DPP6: variants seen among roughly 807,000 people sequenced by gnomAD.
DPP6 encodes A-type potassium channel modulatory protein DPP6.
DPP6 carries 69 observed loss-of-function variants against 122.6 expected under a neutral mutation model. The observed-to-expected ratio is 0.56, with a 90% CI of 0.46 to 0.69. The LOEUF is 0.69. Among genes scored for constraint, DPP6 ranks in the 30% least tolerant of loss-of-function variants. The pLI is 0.00. For missense variants in DPP6, 928 were observed against 1,116.9 expected (o/e 0.83, Z 2.41); for synonymous variants, 418 against 433.1 (o/e 0.97, Z 0.43).
At chr7:154,563,561 C>G (rs777543362) in intron 4 of DPP6, among the ~76,000 whole-genome samples, 15 of 152,136 alleles carry the variant, frequency 9.9e-5, no homozygotes, top group Admixed American at 2.0e-4. Context: ...AGAAATGGTT[C>G]CAAACCTATT....
intron 7 of DPP6, among the ~76,000 whole-genome samples, chr7:154,725,884 T>C (rs946809917): frequency 6.6e-6 from 1 of 152,136 alleles, no homozygotes; most frequent in African/African-American, 2.4e-5. Context: ...ATTGGGTAAA[T>C]ACTCCCATTC....
chr7:154,270,492 C>T (rs906074575), intron 1 of DPP6, among the ~76,000 whole-genome samples: 2 of 149,812 alleles, frequency 1.3e-5, no homozygotes, highest in Admixed American at 1.3e-4. Flanking sequence ...CCATGGGCTC[C>T]AGCTCACCAA....
At chr7:154,488,481 T>C (rs1823991141) in intron 3 of DPP6, among the ~76,000 whole-genome samples, 1 of 151,820 alleles carries the variant, frequency 6.6e-6, no homozygotes, top group African/African-American at 2.4e-5. Flanking sequence ...GACACACCCT[T>C]GTAATAAGAA....
At chr7:154,562,432 TAGAC>T (rs1165811171) in intron 4 of DPP6, among the ~76,000 whole-genome samples, 8 of 152,108 alleles carry the variant, frequency 5.3e-5, no homozygotes, top group African/African-American at 9.6e-5. Flanking sequence ...AAACTAGAAA[TAGAC>T]AGGAATATCT....
chr7:153,749,394 C>G, the DPP6 span, among the ~76,000 whole-genome samples: 1 of 152,112 alleles, frequency 6.6e-6, no homozygotes, highest in Non-Finnish European at 1.5e-5. The surrounding 1 kb of genome is among the most constrained non-coding windows in gnomAD (Gnocchi z 4.1). Context: ...ATCAGACCCC[C>G]CTGGGCCAGA....
At position 154,066,750 on chromosome 7, in the gene DPP6, C is replaced by T. The variant is rs150998934; in HGVS notation, c.243+13687C>T. On this transcript the variant is annotated intron_variant, in intron 1 of 25. Transcript: ENST00000377770. ...ATTTTATTCATTCATCTATGACAAA[C>T]TTTTACTCGATACCAACCATGGCCT... is the stretch of plus-strand genomic sequence containing the variant. Among the ~76,000 whole-genome samples, 440 of 152,136 alleles carry T rather than the reference C, an allele frequency of 2.9e-3. 5 individuals are homozygous for T. The highest frequency in any genetic ancestry group is 0.022 in the East Asian group (115 of 5,156).
chr7:154,628,600 T>C (rs1213016245), intron 5 of DPP6, among the ~76,000 whole-genome samples: 1 of 152,214 alleles, frequency 6.6e-6, no homozygotes, highest in Non-Finnish European at 1.5e-5. Flanking sequence ...AAAGACCTTA[T>C]GAGCTGGGTA....
chr7:154,868,161 T>C (rs1804054852), intron 18 of DPP6, 68 bp downstream of exon 18: 1 of 1,531,768 alleles, frequency 6.5e-7, no homozygotes, highest in African/African-American at 1.4e-5. Context: ...CACAGTGCAG[T>C]CATCAGCAGC....
At chr7:153,932,832 G>T (rs1161100488) in intron 1 of DPP6, among the ~76,000 whole-genome samples, 1 of 152,126 alleles carries the variant, frequency 6.6e-6, no homozygotes, top group Non-Finnish European at 1.5e-5. Flanking sequence ...TAGTTTGGCT[G>T]TGTCCCCACC....
chr7:153,858,475 C>G, the DPP6 span, among the ~76,000 whole-genome samples: 6 of 152,268 alleles, frequency 3.9e-5, no homozygotes, highest in African/African-American at 1.4e-4. Flanking sequence ...TTTCCTCCTT[C>G]CTGTGTCTTC....
At chr7:154,874,612 C>T (rs563655576) in intron 19 of DPP6, among the ~76,000 whole-genome samples, 7 of 152,218 alleles carry the variant, frequency 4.6e-5, no homozygotes, top group Non-Finnish European at 8.8e-5. Flanking sequence ...CACTCGAGCG[C>T]GCCGCTCCTG....
At chr7:153,960,780 A>G (rs1255979640) in intron 1 of DPP6, among the ~76,000 whole-genome samples, 3 of 148,924 alleles carry the variant, frequency 2.0e-5, no homozygotes, top group East Asian at 2.1e-4. Context: ...TGTGGGGACA[A>G]TGAGTTGATT....
chr7:154,593,476 G>A (rs1051812450), intron 5 of DPP6, among the ~76,000 whole-genome samples: 1 of 152,158 alleles, frequency 6.6e-6, no homozygotes, highest in African/African-American at 2.4e-5. Context: ...ATTATGAATT[G>A]GCCTCACTTG....
At chr7:154,834,684 C>A (rs1325410047) in intron 16 of DPP6, among the ~76,000 whole-genome samples, 1 of 152,218 alleles carries the variant, frequency 6.6e-6, no homozygotes, top group Non-Finnish European at 1.5e-5. Flanking sequence ...AAGTGCAAGA[C>A]CTTCACTAGA....
chr7:154,184,917 C>T (rs1798279076), intron 1 of DPP6, among the ~76,000 whole-genome samples: 1 of 152,108 alleles, frequency 6.6e-6, no homozygotes, highest in African/African-American at 2.4e-5. Flanking sequence ...AGCCACGGTG[C>T]GATGGTTAGC....
intron 3 of DPP6, among the ~76,000 whole-genome samples, chr7:154,539,913 G>A (rs995117387): frequency 6.6e-6 from 1 of 151,946 alleles, no homozygotes; most frequent in Non-Finnish European, 1.5e-5. Context: ...TCATTCATAG[G>A]AGATATATAT....
chr7:154,240,356 T>C (rs1023899193), intron 1 of DPP6, among the ~76,000 whole-genome samples: 10 of 152,164 alleles, frequency 6.6e-5, no homozygotes, highest in Admixed American at 4.6e-4. Flanking sequence ...ATCTGCTCTT[T>C]CCTGAACTGA....
chr7:154,536,334 T>A (rs1490979647), intron 3 of DPP6, among the ~76,000 whole-genome samples: 1 of 152,174 alleles, frequency 6.6e-6, no homozygotes, highest in African/African-American at 2.4e-5. Context: ...GTCTTTCACA[T>A]CCCTTGTTAG....
At chr7:154,835,880 A>G (rs1352053274) in intron 16 of DPP6, among the ~76,000 whole-genome samples, 11 of 152,330 alleles carry the variant, frequency 7.2e-5, no homozygotes, top group East Asian at 5.8e-4. Context: ...CTCAGAATCA[A>G]TGAAAAGGAA....
Sources: allele counts gnomAD v4.1 joint callset (sites outside exome capture counted in the v4.1 genomes callset), GRCh38; gene constraint gnomAD v4.1.1; non-coding constraint Gnocchi (gnomAD v3.1); transcripts MANE v1.5; gene names NCBI Gene and HGNC (gene_info 2026-07-23, HGNC 2026-07-21).